Variants in CALN1 observed in about 807,000 individuals in gnomAD.
CALN1 encodes calcium-binding protein 8.
Under a neutral mutation model 30.6 loss-of-function variants are expected in CALN1, and 17 were observed. That is an observed-to-expected ratio of 0.56 (90% CI 0.38 to 0.83). CALN1 has a LOEUF of 0.83. Among genes scored for constraint, CALN1 ranks in the 40% least tolerant of loss-of-function variants. The pLI is 0.00. For missense variants in CALN1, 291 were observed against 354.9 expected (o/e 0.82, Z 1.45); for synonymous variants, 156 against 131.4 (o/e 1.19, Z -1.28).
chr7:72,140,055 C>CA (rs1158304487), intron 3 of CALN1, among the ~76,000 whole-genome samples: 2 of 151,822 alleles, frequency 1.3e-5, no homozygotes, highest in African/African-American at 4.8e-5. Context: ...AGGATTGCTT[C>CA]AGGCCAGGAG....
At chr7:72,191,725 C>G (rs1286335043) in intron 3 of CALN1, among the ~76,000 whole-genome samples, 3 of 152,006 alleles carry the variant, frequency 2.0e-5, no homozygotes, top group Non-Finnish European at 4.4e-5. Context: ...TCCCACAGAC[C>G]TAGTGGCTTA....
intron 3 of CALN1, among the ~76,000 whole-genome samples, chr7:72,127,446 A>C (rs142582912): frequency 5.3e-4 from 80 of 152,248 alleles, no homozygotes; most frequent in African/African-American, 1.9e-3. Context: ...AGAGCAGAGG[A>C]GTCACGGGAT....
At chr7:72,286,629 A>G (rs1358814075) in intron 2 of CALN1, among the ~76,000 whole-genome samples, 1 of 152,232 alleles carries the variant, frequency 6.6e-6, no homozygotes, top group African/African-American at 2.4e-5. Flanking sequence ...TAGACCCTGG[A>G]CATTTGGCTA....
At chr7:72,426,843 T>C (rs940756165) in intron 1 of CALN1, among the ~76,000 whole-genome samples, 1 of 152,190 alleles carries the variant, frequency 6.6e-6, no homozygotes, top group African/African-American at 2.4e-5. Context: ...TTGCTGTTCA[T>C]ACAGACTCAA....
intron 3 of CALN1, among the ~76,000 whole-genome samples, chr7:72,228,293 C>A (rs1793830949): frequency 6.6e-6 from 1 of 151,642 alleles, no homozygotes; most frequent in African/African-American, 2.4e-5. Context: ...CTCTGCTTGC[C>A]TAGAATGCAT....
intron 3 of CALN1, among the ~76,000 whole-genome samples, chr7:72,228,479 C>A (rs956672385): frequency 6.6e-6 from 1 of 151,792 alleles, no homozygotes; most frequent in Admixed American, 6.6e-5. Flanking sequence ...TTGAACTGTA[C>A]ACTTAATGCA....
At chr7:71,840,134 G>A (rs1013372684) in intron 5 of CALN1, among the ~76,000 whole-genome samples, 1 of 152,146 alleles carries the variant, frequency 6.6e-6, no homozygotes, top group African/African-American at 2.4e-5. Context: ...GGTGTGTTTT[G>A]TTTATGTTTT....
At chr7:72,211,769 A>G (rs1342366220) in intron 3 of CALN1, among the ~76,000 whole-genome samples, 1 of 152,164 alleles carries the variant, frequency 6.6e-6, no homozygotes, top group Non-Finnish European at 1.5e-5. Context: ...ATGAGGTGAC[A>G]GCCGGTGATG....
the CALN1 span, among the ~76,000 whole-genome samples, chr7:72,487,889 GA>G: frequency 0.055 from 2,744 of 50,228 alleles, 90 homozygotes; most frequent in East Asian, 0.094. Flanking sequence ...AGAAAGAAAA[GA>G]AAAGAAAGAA....
At chr7:71,965,066 C>T (rs1334053281) in intron 5 of CALN1, among the ~76,000 whole-genome samples, 1 of 152,072 alleles carries the variant, frequency 6.6e-6, no homozygotes, top group African/African-American at 2.4e-5. Flanking sequence ...CTCACTCTGT[C>T]CCCCAGGCTA....
chr7:72,048,896 A>G (rs958449446), intron 4 of CALN1, among the ~76,000 whole-genome samples: 9 of 151,966 alleles, frequency 5.9e-5, no homozygotes, highest in African/African-American at 1.9e-4. Context: ...CAGCCACCTC[A>G]ACATTTTCGG....
intron 4 of CALN1, among the ~76,000 whole-genome samples, chr7:72,033,174 T>G (rs549071382): frequency 7.8e-6 from 1 of 127,716 alleles, no homozygotes; most frequent in Non-Finnish European, 1.5e-5. Flanking sequence ...GCTATGTGAG[T>G]CAAAGTAATG....
At chr7:71,951,324 C>T (rs972755452) in intron 5 of CALN1, among the ~76,000 whole-genome samples, 28 of 152,206 alleles carry the variant, frequency 1.8e-4, no homozygotes, top group Non-Finnish European at 2.8e-4. Context: ...GGGCGCATGG[C>T]TCATGCCTGT....
upstream of CALN1, among the ~76,000 whole-genome samples, chr7:72,447,543 G>A (rs7793843): frequency 0.091 from 13,831 of 152,132 alleles, 897 homozygotes; most frequent in East Asian, 0.3. Flanking sequence ...ACACGGGGCT[G>A]CACGGGACAC....
chr7:72,234,706 A>G (rs375673510), intron 3 of CALN1, among the ~76,000 whole-genome samples: 22 of 152,212 alleles, frequency 1.4e-4, no homozygotes, highest in East Asian at 7.8e-4. Flanking sequence ...TTGGTCTCCT[A>G]AAGTGGTGGG....
chr7:72,026,405 G>A (rs1801057099), intron 4 of CALN1, among the ~76,000 whole-genome samples: 3 of 152,036 alleles, frequency 2.0e-5, no homozygotes, highest in Admixed American at 1.3e-4. Flanking sequence ...GGCCAACATG[G>A]TGAAACCCCA....
At chr7:72,342,489 G>A (rs12539988) in intron 2 of CALN1, among the ~76,000 whole-genome samples, 34,167 of 151,998 alleles carry the variant, frequency 0.22, 4,850 homozygotes, top group Non-Finnish European at 0.32. Context: ...CCAATTACCG[G>A]GATGGAGGCT....
chr7:72,477,475 T>A, the CALN1 span, among the ~76,000 whole-genome samples: 1 of 152,132 alleles, frequency 6.6e-6, no homozygotes, highest in African/African-American at 2.4e-5. Flanking sequence ...TGAGGTGCAG[T>A]GGCATGATCA....
At chr7:72,054,881 A>G (rs1803149629) in intron 4 of CALN1, among the ~76,000 whole-genome samples, 1 of 152,130 alleles carries the variant, frequency 6.6e-6, no homozygotes, top group African/African-American at 2.4e-5. Context: ...ACAAACCTGC[A>G]CATGTGCTCT....
Sources: gnomAD v4.1 joint callset for allele counts (sites outside exome capture counted in the v4.1 genomes callset) on GRCh38, gnomAD v4.1.1 for gene constraint, MANE v1.5 for transcripts, NCBI Gene and HGNC (gene_info 2026-07-23, HGNC 2026-07-21) for gene names.